SORBS3: variants seen among roughly 807,000 people sequenced by gnomAD.
The protein encoded by SORBS3 is vinexin.
A neutral mutation model predicts 98.0 loss-of-function variants in SORBS3; 69 were observed. The ratio of observed to expected loss-of-function variants is 0.70; its 90% CI spans 0.58 to 0.86. The LOEUF (loss-of-function observed/expected upper bound fraction) is 0.86. Ranked by LOEUF, SORBS3 falls within the 40% of genes least tolerant of loss-of-function variation. SORBS3 has a pLI of 0.00. For synonymous variants in SORBS3, 394 were observed against 355.4 expected (o/e 1.11, Z -1.22); for missense variants, 954 against 908.5 (o/e 1.05, Z -0.64).
Position 22,565,862 on chromosome 8 carries a change from C to A in SORBS3, c.940C>A (p.Pro314Thr). ...PAPRRAPEQR[P>T]PAGPASAWSS... ...GCCCCGACGGGCCCCGGAGCAGCGGCCCCCGGCCGGGTGAGTGGGAGACGC... is the reference window on the plus strand; with the variant it reads ...GCCCCGACGGGCCCCGGAGCAGCGGACCCCGGCCGGGTGAGTGGGAGACGC... Residue 314 changes from proline to threonine, a missense_variant, in exon 12 of 21, where the codon CCC (proline) becomes ACC (threonine). Physicochemically the swap from Pro to Thr is conservative, Grantham distance 38. Transcript: ENST00000240123. The A allele has an allele frequency of 7.9e-7, 1 of 1,270,952 alleles. No homozygotes were observed. Among genetic ancestry groups the A allele is most frequent in the Non-Finnish European group, 9.9e-7 (1 of 1,008,362 alleles). The allele number at this position is 1,270,952 out of a possible 1,614,324, so 78.7% of individuals were successfully genotyped here.
At chr8:22,550,433 G>A (rs1840063217), upstream of SORBS3, among the ~76,000 whole-genome samples, 1 of 152,210 alleles carries the variant, frequency 6.6e-6, no homozygotes, top group African/African-American at 2.4e-5. Flanking sequence ...CCTATGACGT[G>A]TCCCCCAGTG....
Position 22,556,789 on chromosome 8 carries a change from C to T in SORBS3, c.295C>T (p.His99Tyr). Reference sequence around the variant, plus strand: ...AAGCACAAAGATCCCTGCCTCCCAGCACACCCAGAACTGGTCAGCCACGTG... The same window carrying T: ...AAGCACAAAGATCCCTGCCTCCCAGTACACCCAGAACTGGTCAGCCACGTG... ...SASTKIPASQ[H>Y]TQNWSATWTK... Residue 99 changes from histidine to tyrosine, a missense_variant, in exon 4 of 21, where the codon CAC (histidine) becomes TAC (tyrosine). Physicochemically the swap from His to Tyr is moderately conservative, Grantham distance 83. Transcript: ENST00000240123. 6.2e-7 allele frequency: 1 copy of T among 1,613,836 alleles called. No homozygotes were observed. The highest frequency in any genetic ancestry group is 8.5e-7 in the Non-Finnish European group (1 of 1,180,038).
In SORBS3 at chr8:22,569,287, G is replaced by C; in HGVS notation, c.1431+14G>C. On this transcript the variant is annotated intron_variant, in intron 17 of 20. Transcript: ENST00000240123. ...TCCTTCCGCAAGGTGGGCCAGGCCG[G>C]AGACGGAGGGGTGGGTGGGGGCAGG... 6.3e-7 allele frequency: 1 copy of C among 1,576,526 alleles called. No homozygotes were observed. Among genetic ancestry groups the C allele is most frequent in the East Asian group, 2.4e-5 (1 of 42,496 alleles).
chr8:22,551,382 G>A (rs1016605575), upstream of SORBS3, among the ~76,000 whole-genome samples: 1 of 151,050 alleles, frequency 6.6e-6, no homozygotes, highest in African/African-American at 2.4e-5. The surrounding 1 kb of genome is among the most constrained non-coding windows in gnomAD (Gnocchi z 5.8). Flanking sequence ...TCTCGCTCCC[G>A]GCCTGTCCGT....
At chr8:22,572,863 TC>T (rs1840626314) in intron 20 of SORBS3, among the ~76,000 whole-genome samples, 1 of 152,074 alleles carries the variant, frequency 6.6e-6, no homozygotes, top group African/African-American at 2.4e-5. Context: ...TGGAGAAAGG[TC>T]CCAGCCCCTC....
intron 20 of SORBS3, 49 bp from the exon 21 acceptor site, chr8:22,574,618 C>A: frequency 6.3e-7 from 1 of 1,592,948 alleles, no homozygotes. Context: ...CCCTGCATCC[C>A]TGTTAAAGAA....
Position 22,575,218 on chromosome 8 carries a change from G to A in SORBS3, c.*490G>A. Reference sequence around the variant, plus strand: ...CTCTTTGCCTTCTGGCCTCCAGCTGGGTGTGGGGGGGCGGAGCAAGGCGGG... The same window carrying A: ...CTCTTTGCCTTCTGGCCTCCAGCTGAGTGTGGGGGGGCGGAGCAAGGCGGG... On this transcript the variant is annotated 3_prime_UTR_variant, in exon 21 of 21. Transcript: ENST00000240123. 1 of 320,664 alleles carries A rather than the reference G, an allele frequency of 3.1e-6. No individual in the cohort carries two copies. The highest frequency in any genetic ancestry group is 6.2e-6 in the Non-Finnish European group (1 of 162,428). 19.9% of individuals were successfully genotyped at this position (320,664 alleles called of 1,614,324 possible). A position where few individuals can be genotyped will look rare whatever the true frequency, so the allele number is the denominator to read the frequency against.
At chr8:22,550,837 G>T (rs764423621), upstream of SORBS3, among the ~76,000 whole-genome samples, 2 of 152,204 alleles carry the variant, frequency 1.3e-5, no homozygotes, top group Non-Finnish European at 2.9e-5. Context: ...GTAACTGTTG[G>T]TTGGTTGGCT....
rs758254062 is a variant in SORBS3, at chr8:22,569,190, ACC to A, written c.1349_1350del (p.Thr450IlefsTer65). 9.3e-6 allele frequency: 15 copies of A among 1,611,160 alleles called. No individual in the cohort carries two copies. The highest frequency in any genetic ancestry group is 1.3e-5 in the Non-Finnish European group (15 of 1,178,722). On this transcript the variant is annotated frameshift_variant, in exon 17 of 21. Coordinates refer to ENST00000240123, the MANE Select transcript of SORBS3 (RefSeq NM_005775.5). LOFTEE classifies it high-confidence loss of function. ...DEIPKPIKPP[T>X]YQVLEYGEAV... ...GATCCCTAAGCCCATCAAGCCCCCG[ACC>A]TACCAGGTGCTGGAGTATGGAGAGG...
intron 7 of SORBS3, among the ~76,000 whole-genome samples, chr8:22,562,769 A>C (rs910501086): frequency 6.6e-6 from 1 of 152,234 alleles, no homozygotes; most frequent in Non-Finnish European, 1.5e-5. Flanking sequence ...TGTATCATGC[A>C]TCATGTTTTG....
In SORBS3 at chr8:22,571,163, C is replaced by T. The variant is rs756321570; in HGVS notation, c.1685C>T (p.Thr562Ile). The change falls in exon 18 of 21, where the codon ACC (threonine) becomes ATC (isoleucine). Residue 562 changes from threonine to isoleucine, a missense_variant. By Grantham distance (89) the Thr-to-Ile change is moderately conservative (BLOSUM62 -1). Transcript: ENST00000240123. ...GACCCCATCGACTTGGGGGGACAGA[C>T]CTCCCCCCGTCGCACTGGCTTCTCC... ...PADPIDLGGQ[T>I]SPRRTGFSFP... 6.3e-6 allele frequency: 10 copies of T among 1,587,218 alleles called. No homozygotes were observed. Among genetic ancestry groups the T allele is most frequent in the Non-Finnish European group, 7.7e-6 (9 of 1,168,418 alleles).
chr8:22,566,343 AGCCCG>A lies in SORBS3; in HGVS notation c.953_957del (p.Pro318LeufsTer26). 1 of 1,613,020 alleles carries A rather than the reference AGCCCG, an allele frequency of 6.2e-7. No individual in the cohort carries two copies. The highest frequency in any genetic ancestry group is 8.5e-7 in the Non-Finnish European group (1 of 1,179,642). On this transcript the variant is annotated splice_acceptor_variant and coding_sequence_variant, in exon 13 of 21. Transcript: ENST00000240123. LOFTEE classifies it high-confidence loss of function. ...GAGGCTCAGTCTCTGTGCCCCGTGCAGCCCGGCCTCAGCCTGGAGCTCCAGCTACC... is the reference window on the plus strand; with the variant it reads ...GAGGCTCAGTCTCTGTGCCCCGTGCAGCCTCAGCCTGGAGCTCCAGCTACC...
intron 5 of SORBS3, 120 bp downstream of exon 5, chr8:22,558,312 A>G: frequency 1.1e-6 from 1 of 926,150 alleles, no homozygotes; most frequent in East Asian, 2.5e-5. Context: ...ACCTTCTCCC[A>G]GGCTCTAATG....
chr8:22,556,783 T>G lies in SORBS3; in HGVS notation c.289T>G (p.Ser97Ala). Residue 97 changes from serine to alanine, a missense_variant, in exon 4 of 21, where the codon TCC (serine) becomes GCC (alanine). By Grantham distance (99) the Ser-to-Ala change is moderately conservative (BLOSUM62 1). Coordinates refer to ENST00000240123, the MANE Select transcript of SORBS3 (RefSeq NM_005775.5). Reference sequence around the variant, plus strand: ...CTCTGCAAGCACAAAGATCCCTGCCTCCCAGCACACCCAGAACTGGTCAGC... The same window carrying G: ...CTCTGCAAGCACAAAGATCCCTGCCGCCCAGCACACCCAGAACTGGTCAGC... The part of the protein sequence containing the change: ...KPSASTKIPA[S>A]QHTQNWSATW... 1.2e-6 allele frequency: 2 copies of G among 1,613,694 alleles called. No individual in the cohort carries two copies. Among genetic ancestry groups the G allele is most frequent in the Non-Finnish European group, 1.7e-6 (2 of 1,180,016 alleles).
Position 22,554,201 on chromosome 8 carries a change from C to A in SORBS3, c.-55-251C>A. 2 of 253,290 alleles carry A rather than the reference C, an allele frequency of 7.9e-6. No homozygotes were observed. The highest frequency in any genetic ancestry group is 1.5e-5 in the Non-Finnish European group (2 of 131,014). 15.7% of individuals were successfully genotyped at this position (253,290 alleles called of 1,614,324 possible). On this transcript the variant is annotated intron_variant, in intron 1 of 20. Transcript: ENST00000240123. This position sits in a 1 kb window ranked among gnomAD's most constrained non-coding sequence, Gnocchi z 6.5. ...CCTCCTCCTCACCCAAGCTCCCCCT[C>A]CCCCACTCCCACCCGGAGCTCCTGC...
intron 1 of SORBS3, among the ~76,000 whole-genome samples, chr8:22,553,318 A>G (rs192344723): frequency 5.9e-5 from 9 of 152,280 alleles, no homozygotes; most frequent in Non-Finnish European, 1.3e-4. Flanking sequence ...GCCCTCCCTG[A>G]GAGCCCCCAA....
exon 1 of SORBS3, chr8:22,545,028 C>T (rs1840002943): frequency 6.6e-6 from 1 of 152,198 alleles, no homozygotes; most frequent in Non-Finnish European, 1.5e-5. Flanking sequence ...CAGGGCCCAT[C>T]TGTGGGTATG....
At chr8:22,548,477 G>A (rs1191380612), upstream of SORBS3, among the ~76,000 whole-genome samples, 1 of 152,182 alleles carries the variant, frequency 6.6e-6, no homozygotes, top group African/African-American at 2.4e-5. Context: ...AGTGCTTTCT[G>A]CGCTAACCCC....
intron 18 of SORBS3, among the ~76,000 whole-genome samples, 155 bp downstream of exon 18, chr8:22,571,376 G>A (rs1840579767): frequency 6.6e-6 from 1 of 152,136 alleles, no homozygotes; most frequent in African/African-American, 2.4e-5. Flanking sequence ...CCCCACCCTG[G>A]CCTGGGGGAC....
Sources: allele counts gnomAD v4.1 joint callset (sites outside exome capture counted in the v4.1 genomes callset), GRCh38; gene constraint gnomAD v4.1.1; non-coding constraint Gnocchi (gnomAD v3.1); transcripts MANE v1.5; gene names NCBI Gene and HGNC (gene_info 2026-07-23, HGNC 2026-07-21).